Variants in ERGIC1 observed in about 807,000 individuals in gnomAD.
ERGIC1 encodes the protein endoplasmic reticulum-Golgi intermediate compartment protein 1.
In ERGIC1, 19 loss-of-function variants were observed where a neutral mutation model predicts 38.3. That is an observed-to-expected ratio of 0.50 (90% CI 0.35 to 0.73). The LOEUF (loss-of-function observed/expected upper bound fraction) is 0.73, where lower values mean the gene tolerates loss of function less well. Ranked by LOEUF, ERGIC1 falls within the 30% of genes least tolerant of loss-of-function variation. ERGIC1 has a pLI of 0.01. For missense variants in ERGIC1, 294 were observed against 389.2 expected (o/e 0.76, Z 2.06); for synonymous variants, 124 against 157.6 (o/e 0.79, Z 1.60).
intron 2 of ERGIC1, among the ~76,000 whole-genome samples, chr5:172,893,783 G>T (rs1762627232): frequency 6.7e-6 from 1 of 148,850 alleles, no homozygotes; most frequent in Admixed American, 6.8e-5. Flanking sequence ...GTAAACTGAT[G>T]TGGAACCTGT....
At chr5:172,888,011 G>T (rs759670634) in intron 1 of ERGIC1, among the ~76,000 whole-genome samples, 1 of 152,178 alleles carries the variant, frequency 6.6e-6, no homozygotes, top group Non-Finnish European at 1.5e-5. Context: ...TTCCTCTAGC[G>T]TCAGAGTCAC....
In ERGIC1 at chr5:172,942,272, G is replaced by A. The variant is rs976373318; in HGVS notation, c.765+6962G>A. Among the ~76,000 whole-genome samples, 3 of 152,318 alleles carry A rather than the reference G, an allele frequency of 2.0e-5. No homozygotes were observed. In the South Asian group the frequency reaches 6.2e-4, roughly 32 times the overall value. The stretch of plus-strand genomic sequence containing the variant: ...AAACTGAGAAGGTTCTACCCACTAA[G>A]ATGATGTGAGTTGGAAAAATGACCA... On this transcript the variant is annotated intron_variant, in intron 9 of 9. Transcript: ENST00000393784.
At chr5:172,852,987 G>A (rs1761450579) in intron 1 of ERGIC1, among the ~76,000 whole-genome samples, 1 of 152,250 alleles carries the variant, frequency 6.6e-6, no homozygotes, top group Non-Finnish European at 1.5e-5. Flanking sequence ...AATAGCCCAG[G>A]GGAGAGAGGG....
intron 1 of ERGIC1, among the ~76,000 whole-genome samples, chr5:172,857,969 G>A (rs562724105): frequency 9.6e-4 from 146 of 152,202 alleles, no homozygotes; most frequent in African/African-American, 3.4e-3. Context: ...GAACGGCAGG[G>A]ATATAGCCCC....
intron 1 of ERGIC1, among the ~76,000 whole-genome samples, chr5:172,845,808 C>G (rs1761270923): frequency 6.6e-6 from 1 of 152,202 alleles, no homozygotes; most frequent in Non-Finnish European, 1.5e-5. Flanking sequence ...TCTCTAAACT[C>G]TGGGCTCTAT....
chr5:172,941,319 C>T (rs1764008272), intron 9 of ERGIC1, among the ~76,000 whole-genome samples: 1 of 152,108 alleles, frequency 6.6e-6, no homozygotes, highest in Non-Finnish European at 1.5e-5. Context: ...GATCATATAG[C>T]TACCCTTATT....
chr5:172,834,589 C>CG lies in ERGIC1; in HGVS notation c.20+156_20+157insG, dbSNP rs1561694767. Among the ~76,000 whole-genome samples, 28 of 136,484 alleles carry CG rather than the reference C, an allele frequency of 2.1e-4. No homozygotes were observed. Among genetic ancestry groups the CG allele is most frequent in the Non-Finnish European group, 3.2e-4 (20 of 62,946 alleles). The allele number at this position is 136,484 out of a possible 152,430, so 89.5% of individuals were successfully genotyped here. A position where few individuals can be genotyped will look rare whatever the true frequency, so the allele number is the denominator to read the frequency against. On this transcript the variant is annotated intron_variant, in intron 1 of 9. Coordinates refer to ENST00000393784, the MANE Select transcript of ERGIC1 (RefSeq NM_001031711.3). This position sits in a 1 kb window ranked among gnomAD's most constrained non-coding sequence, Gnocchi z 4.1. ...TAGGGACCCCAGGCGAGCCCCCCCC[C>CG]TGCCGCACACGAAGCCAGCCAGAGC...
intron 3 of ERGIC1, among the ~76,000 whole-genome samples, chr5:172,905,042 T>C (rs917527990): frequency 3.9e-5 from 6 of 152,212 alleles, no homozygotes; most frequent in African/African-American, 1.2e-4. Flanking sequence ...GAGAGGCTTC[T>C]TGGGGCCTTG....
At chr5:172,902,886 C>G (rs1762920254) in intron 3 of ERGIC1, among the ~76,000 whole-genome samples, 2 of 152,080 alleles carry the variant, frequency 1.3e-5, no homozygotes, top group South Asian at 4.1e-4. Context: ...CTTCAAAAAG[C>G]AAATAAAATT....
intron 3 of ERGIC1, among the ~76,000 whole-genome samples, chr5:172,908,252 A>C (rs996693210): frequency 7.3e-6 from 1 of 137,786 alleles, no homozygotes; most frequent in African/African-American, 2.7e-5. Context: ...GGTGGAGGCC[A>C]GGCACAGTGG....
At chr5:172,909,901 G>A in intron 4 of ERGIC1, 140 bp downstream of exon 4, 2 of 739,062 alleles carry the variant, frequency 2.7e-6, no homozygotes, top group Non-Finnish European at 4.7e-6. Flanking sequence ...GAATATAATT[G>A]CGTATGCATG....
At chr5:172,867,622 G>A (rs1761900795) in intron 1 of ERGIC1, 1 of 360,934 alleles carries the variant, frequency 2.8e-6, no homozygotes, top group South Asian at 2.0e-5. Flanking sequence ...GGGCTGGGCA[G>A]GAGGGCACTC....
intron 7 of ERGIC1, among the ~76,000 whole-genome samples, chr5:172,931,679 T>G (rs754848705): frequency 6.6e-5 from 10 of 152,200 alleles, no homozygotes; most frequent in Non-Finnish European, 1.2e-4. Context: ...AAATCCTGCC[T>G]TCCTCCCCAG....
At chr5:172,922,678 C>T (rs62387402) in intron 5 of ERGIC1, among the ~76,000 whole-genome samples, 1 of 152,230 alleles carries the variant, frequency 6.6e-6, no homozygotes, top group Non-Finnish European at 1.5e-5. Context: ...GACACAGCAG[C>T]AGGAGGCCAA....
intron 1 of ERGIC1, among the ~76,000 whole-genome samples, chr5:172,863,528 A>C (rs1244370567): frequency 1.3e-5 from 2 of 152,182 alleles, no homozygotes. Context: ...CTTCAGGCTG[A>C]GTGGCCAGGA....
At chr5:172,866,701 A>G (rs1761872019) in intron 1 of ERGIC1, among the ~76,000 whole-genome samples, 1 of 152,282 alleles carries the variant, frequency 6.6e-6, no homozygotes, top group African/African-American at 2.4e-5. Flanking sequence ...AGCAAGTGGC[A>G]GAGCTGGGAC....
chr5:172,870,039 G>C (rs1271673381), intron 1 of ERGIC1, among the ~76,000 whole-genome samples: 1 of 152,018 alleles, frequency 6.6e-6, no homozygotes, highest in African/African-American at 2.4e-5. Flanking sequence ...CTCCCTTCTG[G>C]CTCTATAACT....
chr5:172,870,362 C>T (rs965097026), intron 1 of ERGIC1, among the ~76,000 whole-genome samples: 12 of 152,170 alleles, frequency 7.9e-5, no homozygotes, highest in African/African-American at 2.9e-4. Flanking sequence ...TTGCCACAGG[C>T]CACACCCAGC....
At position 172,842,494 on chromosome 5, in the gene ERGIC1, T is replaced by C. The variant is rs528306584; in HGVS notation, c.20+8061T>C. Among the ~76,000 whole-genome samples the C allele has an allele frequency of 2.0e-5, 3 of 152,330 alleles. No homozygotes were observed. In the South Asian group the frequency reaches 6.2e-4, roughly 32 times the overall value. Reference sequence around the variant, plus strand: ...TGCAGTGAGCATGGGAGTGCAGATGTCTCTGAGATCCTGATTTCAATTCTT... The same window carrying C: ...TGCAGTGAGCATGGGAGTGCAGATGCCTCTGAGATCCTGATTTCAATTCTT... On this transcript the variant is annotated intron_variant, in intron 1 of 9. Transcript: ENST00000393784.
Sources: allele counts gnomAD v4.1 joint callset (sites outside exome capture counted in the v4.1 genomes callset), GRCh38; gene constraint gnomAD v4.1.1; non-coding constraint Gnocchi (gnomAD v3.1); transcripts MANE v1.5; gene names NCBI Gene and HGNC (gene_info 2026-07-23, HGNC 2026-07-21).